PUDP: variants seen among roughly 807,000 people sequenced by gnomAD.
PUDP encodes the protein pseudouridine-5'-phosphatase.
A neutral mutation model predicts 9.4 loss-of-function variants in PUDP; 8 were observed. The observed-to-expected ratio is 0.85, with a 90% CI of 0.50 to 1.53. PUDP has a LOEUF of 1.53. Among genes scored for constraint, PUDP ranks in the 40% most tolerant of loss-of-function variants. The pLI is 0.00. For synonymous variants in PUDP, 99 were observed against 80.7 expected (o/e 1.23, Z -1.22); for missense variants, 188 against 189.7 (o/e 0.99, Z 0.05).
intron 3 of PUDP, among the ~76,000 whole-genome samples, chrX:6,942,742 T>G (rs1401001104): frequency 2.7e-5 from 3 of 111,596 alleles, no homozygotes; most frequent in Non-Finnish European, 3.8e-5. Context: ...AAGTGGTGTC[T>G]TCATAAGAAG....
At chrX:6,750,810 A>G (rs1028743360) in intron 3 of PUDP, among the ~76,000 whole-genome samples, 1 of 111,860 alleles carries the variant, frequency 8.9e-6, no homozygotes, top group Non-Finnish European at 1.9e-5. Context: ...TGAACACTGG[A>G]CACTATCAAG....
chrX:6,835,235 C>T (rs1160474671), intron 3 of PUDP, among the ~76,000 whole-genome samples: 5 of 110,943 alleles, frequency 4.5e-5, no homozygotes, highest in Non-Finnish European at 9.4e-5. Flanking sequence ...AGTGACCCCA[C>T]TCTGATGATT....
At chrX:6,959,062 C>T (rs971300913) in intron 3 of PUDP, among the ~76,000 whole-genome samples, 4 of 111,904 alleles carry the variant, frequency 3.6e-5, no homozygotes, top group African/African-American at 6.5e-5. Context: ...GAAGGATTCT[C>T]AGCCTGGCTA....
At chrX:6,827,083 C>T (rs1389309973) in intron 3 of PUDP, among the ~76,000 whole-genome samples, 2 of 112,101 alleles carry the variant, frequency 1.8e-5, no homozygotes, top group Non-Finnish European at 3.8e-5. Context: ...GCGACTCTAC[C>T]TTCTACTCTC....
rs750845744 is a variant in PUDP, at chrX:6,878,604, C to T, written c.*247+98529G>A. On this transcript the variant is annotated intron_variant and NMD_transcript_variant, in intron 3 of 3. Coordinates refer to the PUDP transcript ENST00000655425. ...AACTCCTGGCCTGAAGTGATCCTCC[C>T]GCCTTGGCCTCCCAAAGTGCTGGGA... is the stretch of plus-strand genomic sequence containing the variant. Among the ~76,000 whole-genome samples the T allele has an allele frequency of 7.0e-4, 79 of 112,098 alleles. 1 individual carries two copies. The highest frequency in any genetic ancestry group is 2.2e-3 in the Admixed American group (23 of 10,545).
At position 6,824,218 on chromosome X, in the gene PUDP, C is replaced by G. The variant is rs750399039; in HGVS notation, c.*248-117752G>C. Among the ~76,000 whole-genome samples the G allele has an allele frequency of 5.4e-5, 6 of 111,429 alleles. No homozygotes were observed. In the South Asian group the frequency reaches 1.9e-3, roughly 36 times the overall value. ...GAGGATTGCATAAGGGGCTTTCCCCCCTTTTGCTCGACACTTCTCCTTGCT... is the reference window on the plus strand; with the variant it reads ...GAGGATTGCATAAGGGGCTTTCCCCGCTTTTGCTCGACACTTCTCCTTGCT... On this transcript the variant is annotated intron_variant and NMD_transcript_variant, in intron 3 of 3. Coordinates refer to the PUDP transcript ENST00000655425.
chrX:6,941,796 G>A (rs1057000489), intron 3 of PUDP, among the ~76,000 whole-genome samples: 2 of 111,970 alleles, frequency 1.8e-5, no homozygotes, highest in Admixed American at 9.5e-5. Context: ...TAATTACCAC[G>A]ATCAAGCTAA....
intron 1 of PUDP, among the ~76,000 whole-genome samples, chrX:7,015,826 C>T (rs1442006821): frequency 9.0e-6 from 1 of 110,543 alleles, no homozygotes; most frequent in African/African-American, 3.3e-5. Context: ...ATCCTCCTGC[C>T]TTGGCCTCCC....
chrX:6,798,307 T>C (rs948646808), intron 3 of PUDP, among the ~76,000 whole-genome samples: 1 of 111,553 alleles, frequency 9.0e-6, no homozygotes, highest in Non-Finnish European at 1.9e-5. Context: ...ATGAGAATAG[T>C]ATGGGGGAAA....
chrX:7,002,387 CTA>C (rs1171010907), intron 1 of PUDP, among the ~76,000 whole-genome samples: 1 of 111,944 alleles, frequency 8.9e-6, no homozygotes, highest in Non-Finnish European at 1.9e-5. Flanking sequence ...CTGGAGGACT[CTA>C]AAACTTGCTT....
At position 7,147,556 on chromosome X, in the gene PUDP, A is replaced by T. The variant is rs746796643; in HGVS notation, c.61+497T>A. On this transcript the variant is annotated intron_variant, in intron 1 of 3. Coordinates refer to ENST00000381077, the MANE Select transcript of PUDP (RefSeq NM_012080.5). ...AGGTAGAGAACCGCTACCATGCAGG[A>T]TGCTACCATCAAAGTGCGCCCACAG... 3.4e-4 allele frequency among the ~76,000 whole-genome samples: 38 copies of T among 112,299 alleles called. No individual in the cohort carries two copies. In the South Asian group the frequency reaches 0.013, roughly 37 times the overall value.
intron 1 of PUDP, among the ~76,000 whole-genome samples, chrX:7,115,638 T>G (rs375335008): frequency 1.8e-5 from 2 of 112,354 alleles, no homozygotes; most frequent in Non-Finnish European, 3.8e-5. Flanking sequence ...TTTTTGACCT[T>G]CTTAACCAGC....
intron 1 of PUDP, among the ~76,000 whole-genome samples, chrX:7,008,305 CA>C (rs752598948): frequency 5.4e-5 from 6 of 111,200 alleles, no homozygotes; most frequent in African/African-American, 9.8e-5. Context: ...CATATAATCC[CA>C]AGGTCGGTGA....
chrX:7,058,118 G>A (rs1930299677), intron 3 of PUDP, among the ~76,000 whole-genome samples: 2 of 111,530 alleles, frequency 1.8e-5, no homozygotes, highest in Non-Finnish European at 3.8e-5. Flanking sequence ...CCTGCACACC[G>A]GGACCTCCTC....
At position 7,132,668 on chromosome X, in the gene PUDP, A is replaced by G. The variant is rs752771826; in HGVS notation, c.61+15385T>C. 4.4e-4 allele frequency among the ~76,000 whole-genome samples: 49 copies of G among 112,244 alleles called. No homozygotes were observed. The South Asian group carries it at 0.017, about 39-fold the overall frequency. Reference sequence around the variant, plus strand: ...AAAGTCTAAGGTCATTGTGATCCACATGAACAAGGCTTCTCTTAGAAAGTA... The same window carrying G: ...AAAGTCTAAGGTCATTGTGATCCACGTGAACAAGGCTTCTCTTAGAAAGTA... On this transcript the variant is annotated intron_variant, in intron 1 of 3. Transcript: ENST00000381077.
intron 1 of PUDP, among the ~76,000 whole-genome samples, chrX:7,002,837 C>T (rs772523069): frequency 5.5e-5 from 6 of 110,036 alleles, no homozygotes; most frequent in South Asian, 8.1e-4. Context: ...CAGAACTATA[C>T]GCACCCAGTG....
intron 1 of PUDP, among the ~76,000 whole-genome samples, chrX:6,992,336 A>C (rs957168117): frequency 1.0e-4 from 7 of 67,405 alleles, no homozygotes; most frequent in Admixed American, 3.9e-4. Context: ...GCAGTGGCGC[A>C]ATCTCGGCTC....
At chrX:6,749,247 C>CT (rs1415679890) in intron 3 of PUDP, among the ~76,000 whole-genome samples, 1 of 111,833 alleles carries the variant, frequency 8.9e-6, no homozygotes, top group Non-Finnish European at 1.9e-5. Flanking sequence ...GGGAGAGGGA[C>CT]TTTTATCAGG....
At chrX:6,839,031 T>C (rs2146716562) in intron 3 of PUDP, among the ~76,000 whole-genome samples, 1 of 112,229 alleles carries the variant, frequency 8.9e-6, no homozygotes, top group Non-Finnish European at 1.9e-5. Context: ...GTTCAGAGAA[T>C]AAACACAACC....
Sources: gnomAD v4.1 joint callset for allele counts (sites outside exome capture counted in the v4.1 genomes callset) on GRCh38, gnomAD v4.1.1 for gene constraint, MANE v1.5 for transcripts, NCBI Gene and HGNC (gene_info 2026-07-23, HGNC 2026-07-21) for gene names.